NIM1K: variants seen among roughly 807,000 people sequenced by gnomAD.
The protein encoded by NIM1K is serine/threonine-protein kinase NIM1.
In NIM1K, 35 loss-of-function variants were observed where a neutral mutation model predicts 37.1. The observed-to-expected ratio is 0.94, with a 90% CI of 0.72 to 1.25. The LOEUF (loss-of-function observed/expected upper bound fraction) is 1.25. Ranked by LOEUF, NIM1K falls within the 50% of genes most tolerant of loss-of-function variation. The pLI is 0.00. For synonymous variants in NIM1K, 234 were observed against 206.6 expected (o/e 1.13, Z -1.14); for missense variants, 564 against 548.0 (o/e 1.03, Z -0.29).
chr5:43,279,881 A>T (rs1238516197), intron 3 of NIM1K, 99 bp from the exon 4 acceptor site: 3 of 976,424 alleles, frequency 3.1e-6, no homozygotes, highest in Non-Finnish European at 4.6e-6. Flanking sequence ...TGAATTTGTT[A>T]TTCCACCATC....
chr5:43,248,211 A>C (rs1241876306), intron 2 of NIM1K, among the ~76,000 whole-genome samples: 1 of 152,188 alleles, frequency 6.6e-6, no homozygotes, highest in Non-Finnish European at 1.5e-5. Context: ...CAAACGCATT[A>C]ATGTGGGGAA....
At chr5:43,211,523 C>T (rs945348688) in intron 1 of NIM1K, among the ~76,000 whole-genome samples, 2 of 152,154 alleles carry the variant, frequency 1.3e-5, no homozygotes, top group South Asian at 2.1e-4. Flanking sequence ...TGAGACCTTG[C>T]GGTTTCTTCA....
At chr5:43,204,081 GTT>G (rs70994605) in intron 1 of NIM1K, among the ~76,000 whole-genome samples, 5 of 85,382 alleles carry the variant, frequency 5.9e-5, no homozygotes, top group African/African-American at 2.4e-4. Flanking sequence ...AGTTCCAATG[GTT>G]TTTTTTTTTT....
intron 2 of NIM1K, among the ~76,000 whole-genome samples, chr5:43,258,830 A>C (rs1390621481): frequency 6.6e-6 from 1 of 152,004 alleles, no homozygotes; most frequent in African/African-American, 2.4e-5. Flanking sequence ...TACAATGATG[A>C]ACTGTATACT....
chr5:43,197,985 C>A (rs1016856213), intron 1 of NIM1K, among the ~76,000 whole-genome samples: 1 of 152,092 alleles, frequency 6.6e-6, no homozygotes, highest in Non-Finnish European at 1.5e-5. Context: ...AAGGAGTATT[C>A]CATAGTAGAG....
chr5:43,222,440 T>A (rs1470685102), intron 1 of NIM1K, among the ~76,000 whole-genome samples: 3 of 152,114 alleles, frequency 2.0e-5, no homozygotes, highest in African/African-American at 7.2e-5. Flanking sequence ...ATCAAAAGCC[T>A]ACTTTGGGCC....
At chr5:43,248,099 A>G (rs1752811515) in intron 2 of NIM1K, among the ~76,000 whole-genome samples, 1 of 152,198 alleles carries the variant, frequency 6.6e-6, no homozygotes, top group Non-Finnish European at 1.5e-5. Context: ...GCTTTAAGTG[A>G]AGGTCAAATT....
At chr5:43,232,215 G>A (rs1463910673) in intron 1 of NIM1K, 11 of 1,006,696 alleles carry the variant, frequency 1.1e-5, no homozygotes, top group Admixed American at 1.8e-5. Flanking sequence ...ATGTCACCAC[G>A]GTAAAACAGG....
At chr5:43,210,695 G>A (rs1420490986) in intron 1 of NIM1K, among the ~76,000 whole-genome samples, 1 of 152,160 alleles carries the variant, frequency 6.6e-6, no homozygotes, top group Non-Finnish European at 1.5e-5. Flanking sequence ...GGCGAGCCAA[G>A]GGGAAATTTC....
intron 1 of NIM1K, among the ~76,000 whole-genome samples, chr5:43,198,203 CTT>C (rs1561069968): frequency 1.1e-4 from 5 of 46,752 alleles, no homozygotes; most frequent in South Asian, 9.2e-4. Context: ...TTCTTTCTTT[CTT>C]TCTCTTTCTT....
chr5:43,265,413 T>C (rs1260642688), intron 2 of NIM1K, among the ~76,000 whole-genome samples: 3 of 152,258 alleles, frequency 2.0e-5, no homozygotes. Context: ...TCGAATTGGC[T>C]ACTGAAGCTT....
chr5:43,271,984 C>G (rs1253949960), intron 2 of NIM1K, among the ~76,000 whole-genome samples: 1 of 152,190 alleles, frequency 6.6e-6, no homozygotes, highest in Non-Finnish European at 1.5e-5. Context: ...TTCATCTAAA[C>G]TGTTGTATCA....
chr5:43,206,499 CA>C (rs11286972), intron 1 of NIM1K, among the ~76,000 whole-genome samples: 25,502 of 83,136 alleles, frequency 0.31, 1,943 homozygotes, highest in Middle Eastern at 0.46. Context: ...GACCCTGCCT[CA>C]AAAAAAAAAA....
At position 43,220,476 on chromosome 5, in the gene NIM1K, G is replaced by A. The variant is rs1486938987; in HGVS notation, c.-694-24606G>A. On this transcript the variant is annotated intron_variant, in intron 1 of 3. Coordinates refer to ENST00000326035, the MANE Select transcript of NIM1K (RefSeq NM_153361.4). ...AATTTTTGTATATTTAATAGAGACA[G>A]AGTTTCATTGGCCAGGCTGATCGCA... is the stretch of plus-strand genomic sequence containing the variant. Among the ~76,000 whole-genome samples the A allele has an allele frequency of 1.4e-4, 21 of 151,938 alleles. 1 individual carries two copies. Among genetic ancestry groups the A allele is most frequent in the Non-Finnish European group, 7.4e-5 (5 of 67,982 alleles).
chr5:43,272,274 G>A (rs764398025), intron 2 of NIM1K, among the ~76,000 whole-genome samples: 2 of 151,994 alleles, frequency 1.3e-5, no homozygotes, highest in Non-Finnish European at 2.9e-5. Flanking sequence ...CTTTTCTCTA[G>A]CTAACTCTTG....
At chr5:43,275,847 G>A (rs1333312938) in intron 2 of NIM1K, among the ~76,000 whole-genome samples, 1 of 151,348 alleles carries the variant, frequency 6.6e-6, no homozygotes, top group Non-Finnish European at 1.5e-5. Context: ...AATGATGAGT[G>A]TATTAAGCCA....
intron 2 of NIM1K, among the ~76,000 whole-genome samples, chr5:43,264,014 A>C (rs911276891): frequency 1.3e-5 from 2 of 152,126 alleles, no homozygotes; most frequent in African/African-American, 4.8e-5. Flanking sequence ...GTTCTTTTAC[A>C]TTTGCTGAGG....
At chr5:43,242,227 G>T (rs188212924) in intron 1 of NIM1K, among the ~76,000 whole-genome samples, 23 of 152,068 alleles carry the variant, frequency 1.5e-4, no homozygotes, top group Admixed American at 6.5e-5. Flanking sequence ...AATTGGGAAG[G>T]GAGGGAGAGG....
chr5:43,244,459 C>T (rs1397623085), intron 1 of NIM1K, among the ~76,000 whole-genome samples: 9 of 152,138 alleles, frequency 5.9e-5, no homozygotes, highest in Non-Finnish European at 2.9e-5. Context: ...AAAAACATCC[C>T]GATGACATCG....
Sources: allele counts gnomAD v4.1 joint callset (sites outside exome capture counted in the v4.1 genomes callset), GRCh38; gene constraint gnomAD v4.1.1; transcripts MANE v1.5; gene names NCBI Gene and HGNC (gene_info 2026-07-23, HGNC 2026-07-21).